MS4A8: variants seen among roughly 807,000 people sequenced by gnomAD.
MS4A8 encodes the protein membrane spanning 4-domains A8.
MS4A8 carries 27 observed loss-of-function variants against 23.7 expected under a neutral mutation model. The observed-to-expected ratio is 1.14, with a 90% CI of 0.84 to 1.57. The LOEUF (loss-of-function observed/expected upper bound fraction) is 1.57. Among genes scored for constraint, MS4A8 ranks in the 40% most tolerant of loss-of-function variants. The pLI is 0.00. For synonymous variants in MS4A8, 138 were observed against 126.3 expected (o/e 1.09, Z -0.62); for missense variants, 301 against 311.4 (o/e 0.97, Z 0.25).
At chr11:60,710,855 C>T (rs767090017) in intron 5 of MS4A8, among the ~76,000 whole-genome samples, 1 of 152,210 alleles carries the variant, frequency 6.6e-6, no homozygotes, top group Non-Finnish European at 1.5e-5. Flanking sequence ...CTCCAGGCAT[C>T]TTTCCACCTT....
chr11:60,711,755 A>G (rs370218652), intron 5 of MS4A8: 2 of 454,968 alleles, frequency 4.4e-6, no homozygotes, highest in South Asian at 3.1e-5. Flanking sequence ...ACTAAACCCC[A>G]AGCAGCACAG....
At chr11:60,708,613 T>G in intron 4 of MS4A8, 37 bp from the exon 5 acceptor site, 1 of 1,481,038 alleles carries the variant, frequency 6.8e-7, no homozygotes, top group South Asian at 1.5e-5. Context: ...CTATAACAGC[T>G]TTTCTCGCCC....
At chr11:60,715,169 GC>G in intron 6 of MS4A8, 35 bp downstream of exon 6, 1 of 1,559,820 alleles carries the variant, frequency 6.4e-7, no homozygotes, top group Non-Finnish European at 8.8e-7. Flanking sequence ...GTGGAAAGAT[GC>G]CCCCAAAAAG....
Position 60,703,517 on chromosome 11 carries a change from C to T in MS4A8, c.342+17C>T. The T allele has an allele frequency of 6.2e-7, 1 of 1,605,142 alleles. No individual in the cohort carries two copies. The highest frequency in any genetic ancestry group is 1.1e-5 in the South Asian group (1 of 89,466). On this transcript the variant is annotated intron_variant, in intron 3 of 6. Coordinates refer to ENST00000300226, the MANE Select transcript of MS4A8 (RefSeq NM_031457.2). ...GGCTTGTGGGTGAGTAACTCAAGTC[C>T]TCCTGCCGATGAGCTCCCAGAAGGT...
intron 5 of MS4A8, among the ~76,000 whole-genome samples, chr11:60,713,911 T>C (rs1204068108): frequency 8.7e-6 from 1 of 114,708 alleles, no homozygotes; most frequent in Non-Finnish European, 1.7e-5. Flanking sequence ...TGATGACTCT[T>C]TTTTTTTTTT....
intron 4 of MS4A8, 80 bp downstream of exon 4, chr11:60,707,127 C>A: frequency 7.8e-7 from 1 of 1,283,892 alleles, no homozygotes; most frequent in Non-Finnish European, 1.1e-6. Context: ...AGGTCACATA[C>A]GATTCCTCCC....
intron 5 of MS4A8, 64 bp from the exon 6 acceptor site, chr11:60,714,957 A>C (rs1281554002): frequency 9.1e-5 from 103 of 1,128,224 alleles, no homozygotes; most frequent in Non-Finnish European, 4.6e-5. Context: ...GCAGGGCCCC[A>C]GTGAGAGGTC....
At chr11:60,700,790 A>T (rs763470038) in intron 1 of MS4A8, 70 bp from the exon 2 acceptor site, 38 of 1,499,114 alleles carry the variant, frequency 2.5e-5, no homozygotes, top group Admixed American at 1.3e-4. Context: ...GAGCTAGAAG[A>T]AGCAAAAGTC....
intron 5 of MS4A8, among the ~76,000 whole-genome samples, chr11:60,710,788 G>C (rs998735053): frequency 2.0e-5 from 3 of 152,188 alleles, no homozygotes; most frequent in African/African-American, 7.2e-5. Flanking sequence ...TGGCTCTGCT[G>C]CCATCCTCTG....
chr11:60,703,672 G>A (rs1280815730), intron 3 of MS4A8, among the ~76,000 whole-genome samples, 172 bp downstream of exon 3: 1 of 152,212 alleles, frequency 6.6e-6, no homozygotes, highest in East Asian at 1.9e-4. Flanking sequence ...TAGTTTGGTA[G>A]GGCCGGCCCA....
At chr11:60,708,115 TG>T (rs755741105) in intron 4 of MS4A8, among the ~76,000 whole-genome samples, 10 of 152,190 alleles carry the variant, frequency 6.6e-5, no homozygotes, top group Non-Finnish European at 1.2e-4. Context: ...CCCAAAGTGC[TG>T]GGATTACAGA....
rs2088331404 is a variant in MS4A8, at chr11:60,715,077, C to T, written c.591C>T (p.Gly197=). Residue 197 remains glycine (G), a synonymous_variant, in exon 6 of 7, where the codon GGC becomes GGT. Transcript: ENST00000300226. ...VLLVFCLLEF[G]IACASSHFGC... ...TGGTCTTCTGCCTCCTGGAGTTTGG[C>T]ATCGCATGCGCATCTTCCCACTTTG... 1.9e-6 allele frequency: 3 copies of T among 1,614,032 alleles called. No individual in the cohort carries two copies. The South Asian group carries it at 3.3e-5, about 18-fold the overall frequency.
intron 5 of MS4A8, among the ~76,000 whole-genome samples, chr11:60,712,802 A>AT (rs1422322876): frequency 7.8e-4 from 118 of 152,088 alleles, no homozygotes; most frequent in African/African-American, 2.8e-3. Flanking sequence ...AAAAAAAAAA[A>AT]AAATTAAAAA....
At chr11:60,711,707 A>G (rs998436853) in intron 5 of MS4A8, 1 of 423,434 alleles carries the variant, frequency 2.4e-6, no homozygotes, top group African/African-American at 2.1e-5. Flanking sequence ...TGGTGGAGGA[A>G]CTAAGGGAAA....
chr11:60,703,680 C>T (rs926704785), intron 3 of MS4A8, among the ~76,000 whole-genome samples, 180 bp downstream of exon 3: 1 of 152,128 alleles, frequency 6.6e-6, no homozygotes, highest in Non-Finnish European at 1.5e-5. Context: ...TAGGGCCGGC[C>T]CAACAGAGTA....
intron 5 of MS4A8, among the ~76,000 whole-genome samples, chr11:60,714,018 G>A (rs558713798): frequency 3.5e-5 from 5 of 142,412 alleles, no homozygotes; most frequent in East Asian, 2.1e-4. Flanking sequence ...TCCACTTCCC[G>A]GGTTCATGCC....
chr11:60,701,966 G>A (rs1461358350), intron 2 of MS4A8, among the ~76,000 whole-genome samples: 1 of 152,146 alleles, frequency 6.6e-6, no homozygotes, highest in African/African-American at 2.4e-5. Context: ...CCAAGATATG[G>A]AGTTAATGGA....
chr11:60,707,309 C>CAA (rs1554965097), intron 4 of MS4A8, among the ~76,000 whole-genome samples: 5,941 of 147,640 alleles, frequency 0.04, 355 homozygotes, highest in African/African-American at 0.14. Flanking sequence ...GTATGGAGAG[C>CAA]GAGAGAGAGA....
At chr11:60,712,090 G>T in intron 5 of MS4A8, 1 of 283,622 alleles carries the variant, frequency 3.5e-6, no homozygotes, top group South Asian at 3.2e-5. Flanking sequence ...AAAAAAAATT[G>T]AAAAAGACCA....
Sources: allele counts gnomAD v4.1 joint callset (sites outside exome capture counted in the v4.1 genomes callset), GRCh38; gene constraint gnomAD v4.1.1; transcripts MANE v1.5; gene names NCBI Gene and HGNC (gene_info 2026-07-23, HGNC 2026-07-21).